Variants in ARSG observed in about 807,000 individuals in gnomAD.
ARSG encodes arylsulfatase G.
Under a neutral mutation model 50.5 loss-of-function variants are expected in ARSG, and 37 were observed. The observed-to-expected ratio is 0.73, with a 90% confidence interval of 0.56 to 0.96. The LOEUF is 0.96. Among genes scored for constraint, ARSG ranks in the 50% least tolerant of loss-of-function variants. The probability of loss-of-function intolerance (pLI) is 0.00; values close to 1 mark genes in which losing one functional copy is unlikely to be tolerated. For missense variants in ARSG, 629 were observed against 675.3 expected, an observed-to-expected ratio of 0.93 and a Z score of 0.76; for synonymous variants, 225 against 254.6, an observed-to-expected ratio of 0.88 and a Z score of 1.11.
At chr17:68,437,158 A>T in the ARSG span, among the ~76,000 whole-genome samples, 120,029 of 152,014 alleles carry the variant, frequency 0.79, 47,611 homozygotes, top group African/African-American at 0.85. Flanking sequence ...ATCTTCCTAT[A>T]GTGAAAAGTC....
intron 10 of ARSG, among the ~76,000 whole-genome samples, chr17:68,397,116 C>A (rs2081282263): frequency 6.6e-6 from 1 of 152,214 alleles, no homozygotes; most frequent in Non-Finnish European, 1.5e-5. Context: ...GACGGGAGAG[C>A]TCTGCTCTTG....
chr17:68,347,566 G>A (rs905581995), intron 4 of ARSG, among the ~76,000 whole-genome samples: 1 of 152,176 alleles, frequency 6.6e-6, no homozygotes, highest in Non-Finnish European at 1.5e-5. Flanking sequence ...ACCCAAACAG[G>A]AGATGCTGCC....
chr17:68,286,226 C>T (rs892793729), intron 1 of ARSG, among the ~76,000 whole-genome samples: 6 of 152,192 alleles, frequency 3.9e-5, no homozygotes, highest in Admixed American at 2.6e-4. Flanking sequence ...CTGCCCCTTT[C>T]CTCTCTTCCC....
At chr17:68,374,632 G>A (rs900544547) in intron 8 of ARSG, among the ~76,000 whole-genome samples, 17 of 152,016 alleles carry the variant, frequency 1.1e-4, no homozygotes, top group Non-Finnish European at 2.2e-4. Context: ...CAAGAAGATA[G>A]CTTGAGGTCA....
At chr17:68,384,247 G>A (rs1444530855) in intron 8 of ARSG, among the ~76,000 whole-genome samples, 1 of 152,146 alleles carries the variant, frequency 6.6e-6, no homozygotes, top group Non-Finnish European at 1.5e-5. Flanking sequence ...GTGTGTGTGG[G>A]GGTGGTGGGA....
At chr17:68,356,469 C>T (rs986464398) in intron 5 of ARSG, among the ~76,000 whole-genome samples, 198 bp from the exon 6 acceptor site, 1 of 152,146 alleles carries the variant, frequency 6.6e-6, no homozygotes, top group African/African-American at 2.4e-5. Flanking sequence ...GTCCATGGAA[C>T]ATAAATATCT....
intron 11 of ARSG, among the ~76,000 whole-genome samples, chr17:68,404,142 T>C (rs563195794): frequency 6.6e-6 from 1 of 152,330 alleles, no homozygotes; most frequent in South Asian, 2.1e-4. Flanking sequence ...AAGTCTTTGC[T>C]ATTGTGAATA....
the ARSG span, among the ~76,000 whole-genome samples, chr17:68,432,096 GA>G: frequency 6.6e-6 from 1 of 152,118 alleles, no homozygotes; most frequent in Non-Finnish European, 1.5e-5. Context: ...AGAGTAAAAA[GA>G]ACCTCAGGAC....
At chr17:68,270,080 A>C (rs572133742) in intron 1 of ARSG, among the ~76,000 whole-genome samples, 10 of 152,316 alleles carry the variant, frequency 6.6e-5, no homozygotes, top group African/African-American at 2.4e-4. Flanking sequence ...CTACAAGGAA[A>C]TATTCTGTAC....
chr17:68,297,415 C>A (rs1446755552), intron 1 of ARSG, among the ~76,000 whole-genome samples: 1 of 152,156 alleles, frequency 6.6e-6, no homozygotes, highest in Non-Finnish European at 1.5e-5. Context: ...TAGTTTGGAA[C>A]GTTGAAAATG....
At chr17:68,393,771 G>A (rs1208081759) in intron 9 of ARSG, among the ~76,000 whole-genome samples, 1 of 150,784 alleles carries the variant, frequency 6.6e-6, no homozygotes, top group Non-Finnish European at 1.5e-5. Context: ...GGAGGCTGAT[G>A]CAGGAGAATC....
At chr17:68,293,300 G>A (rs1165402224) in intron 1 of ARSG, among the ~76,000 whole-genome samples, 1 of 152,108 alleles carries the variant, frequency 6.6e-6, no homozygotes, top group Non-Finnish European at 1.5e-5. Flanking sequence ...GTATGTCTTA[G>A]GAACCTAAAG....
At chr17:68,384,537 T>C (rs1051249284) in intron 8 of ARSG, among the ~76,000 whole-genome samples, 1 of 152,078 alleles carries the variant, frequency 6.6e-6, no homozygotes, top group African/African-American at 2.4e-5. Flanking sequence ...CAAAACAAAA[T>C]AAAGCCATAA....
intron 1 of ARSG, among the ~76,000 whole-genome samples, chr17:68,276,117 A>G (rs543361145): frequency 1.3e-5 from 2 of 152,014 alleles, no homozygotes; most frequent in African/African-American, 2.4e-5. Context: ...TTTTTGAGAC[A>G]GAGTCTTGCT....
chr17:68,346,809 T>G, intron 3 of ARSG: 3 of 1,332,616 alleles, frequency 2.3e-6, no homozygotes, highest in Non-Finnish European at 2.9e-6. Context: ...AAGGAGCCCA[T>G]GTGGGGTTGC....
At chr17:68,376,481 G>A (rs1476885272) in intron 8 of ARSG, among the ~76,000 whole-genome samples, 3 of 151,724 alleles carry the variant, frequency 2.0e-5, no homozygotes, top group Admixed American at 2.0e-4. Flanking sequence ...TGTAGAGACG[G>A]GGTCTTGCTA....
intron 1 of ARSG, among the ~76,000 whole-genome samples, chr17:68,275,276 G>A (rs986958638): frequency 1.4e-4 from 22 of 151,970 alleles, no homozygotes; most frequent in African/African-American, 4.6e-4. Flanking sequence ...CAACAGTGAC[G>A]TAAGTGAGCC....
chr17:68,414,251 T>C (rs2082229778), intron 11 of ARSG: 1 of 152,232 alleles, frequency 6.6e-6, no homozygotes, highest in South Asian at 2.1e-4. Context: ...GTCAAATGCT[T>C]TTACTGCATC....
chr17:68,320,825 G>A (rs2077254290), intron 2 of ARSG, among the ~76,000 whole-genome samples: 1 of 152,136 alleles, frequency 6.6e-6, no homozygotes, highest in Non-Finnish European at 1.5e-5. Flanking sequence ...CAGAATTGTG[G>A]CAATGGAGAG....
Sources: allele counts gnomAD v4.1 joint callset (sites outside exome capture counted in the v4.1 genomes callset), GRCh38; gene constraint gnomAD v4.1.1; transcripts MANE v1.5; gene names NCBI Gene and HGNC (gene_info 2026-07-23, HGNC 2026-07-21).